The following RP1 variants were observed in gnomAD, a reference collection of about 807,000 sequenced individuals.
RP1 encodes RP1 axonemal microtubule associated.
RP1 carries 16 observed loss-of-function variants against 14.8 expected under a neutral mutation model. That is an observed-to-expected ratio of 1.08 (90% CI 0.73 to 1.65). The LOEUF is 1.65. RP1 is among the 40% of genes most tolerant of loss of function. The pLI, the probability that RP1 is intolerant of heterozygous loss-of-function variation, is 0.00. For synonymous variants in RP1, 876 were observed against 883.6 expected (o/e 0.99, Z 0.15); for missense variants, 2,631 against 2,535.0 (o/e 1.04, Z -0.81).
intron 25 of RP1, among the ~76,000 whole-genome samples, chr8:54,844,204 G>A (rs994954064): frequency 2.6e-5 from 4 of 152,258 alleles, no homozygotes; most frequent in African/African-American, 7.2e-5. Flanking sequence ...TTGGAAGCCC[G>A]GGTGGCCCAA....
intron 14 of RP1, among the ~76,000 whole-genome samples, chr8:54,702,064 A>T (rs1048631097): frequency 3.3e-5 from 5 of 152,048 alleles, no homozygotes; most frequent in South Asian, 4.1e-4. Context: ...GTGTTTGTGA[A>T]TCTATCTTAA....
chr8:54,620,984 T>C lies in RP1; in HGVS notation c.18T>C (p.Ser6=), dbSNP rs775061264. The change falls in exon 2 of 4, where the codon TCT becomes TCC. Residue 6 remains serine, a synonymous_variant. Coordinates refer to ENST00000220676, the MANE Select transcript of RP1 (RefSeq NM_006269.2). ...CAGCCAAAATGAGTGATACCCCTTC[T>C]ACTGGTTTTTCCATCATTCATCCTA... MSDTP[S]TGFSIIHPTS... is the part of the protein sequence containing the mutation. 1 of 1,614,208 alleles carries C rather than the reference T, an allele frequency of 6.2e-7. No individual in the cohort carries two copies.
At chr8:54,855,436 G>A (rs1178544525) in intron 26 of RP1, among the ~76,000 whole-genome samples, 1 of 152,184 alleles carries the variant, frequency 6.6e-6, no homozygotes. Flanking sequence ...AACATGACTA[G>A]ACAGTTATAA....
In RP1 at chr8:54,621,453, G is replaced by A. The variant is rs370436803; in HGVS notation, c.487G>A (p.Asp163Asn). The change falls in exon 2 of 4, where the codon GAC becomes AAC. Residue 163 changes from aspartate to asparagine, a missense_variant. Transcript: ENST00000220676. ...GAGCCTAGTGGTCTTCAGGAATGGC[G>A]ACCCGAAGACGAGGCGTGCGGTTCT... is the stretch of plus-strand genomic sequence containing the variant. Reference protein sequence around the residue: ...PRSLVVFRNGDPKTRRAVLLS... With the variant: ...PRSLVVFRNGNPKTRRAVLLS... 3.6e-4 allele frequency: 582 copies of A among 1,613,932 alleles called. 9 individuals are homozygous for A. The South Asian group carries it at 5.3e-3, about 15-fold the overall frequency.
intron 22 of RP1, among the ~76,000 whole-genome samples, chr8:54,762,614 A>T (rs1809667121): frequency 6.6e-6 from 1 of 152,248 alleles, no homozygotes; most frequent in Admixed American, 6.5e-5. Context: ...TGACTTTATG[A>T]ATTAATGCAA....
At position 54,630,160 on chromosome 8, in the gene RP1, G is replaced by T. The variant is rs768701573; in HGVS notation, c.6278G>T (p.Cys2093Phe). The change falls in exon 4 of 4, where the codon TGT becomes TTT. Residue 2093 changes from cysteine (C) to phenylalanine (F), a missense_variant. Coordinates refer to ENST00000220676, the MANE Select transcript of RP1 (RefSeq NM_006269.2). ...CAAGTAGTAAGAGAAAATATCAACT[G>T]TCATTACTTCTTTGAAATGCTTGGT... Reference protein sequence around the residue: ...LNQVVRENINCHYFFEMLGQA... With the variant: ...LNQVVRENINFHYFFEMLGQA... The T allele has an allele frequency of 6.2e-7, 1 of 1,613,728 alleles. No homozygotes were observed. The highest frequency in any genetic ancestry group is 1.1e-5 in the South Asian group (1 of 91,070).
At chr8:54,664,777 A>G (rs549522695) in intron 7 of RP1, among the ~76,000 whole-genome samples, 1 of 152,290 alleles carries the variant, frequency 6.6e-6, no homozygotes, top group Admixed American at 6.5e-5. Context: ...CTCACTTATA[A>G]GTGGAGCTCA....
intron 22 of RP1, among the ~76,000 whole-genome samples, chr8:54,763,562 C>A (rs957484222): frequency 6.6e-5 from 10 of 152,128 alleles, no homozygotes; most frequent in Non-Finnish European, 1.3e-4. Context: ...TGCCTGTAAT[C>A]CCAGCTACTC....
At chr8:54,793,439 G>A (rs575654676) in intron 24 of RP1, among the ~76,000 whole-genome samples, 2 of 151,980 alleles carry the variant, frequency 1.3e-5, no homozygotes, top group South Asian at 2.1e-4. Context: ...ACAAAATACT[G>A]GCAAACACAA....
intron 3 of RP1, among the ~76,000 whole-genome samples, chr8:54,638,589 A>T (rs1221928481): frequency 6.6e-6 from 1 of 152,024 alleles, no homozygotes; most frequent in Non-Finnish European, 1.5e-5. Context: ...AGCCATTCTC[A>T]TTTCTGCTCC....
chr8:54,571,165 C>T (rs1804512689), intron 1 of RP1, among the ~76,000 whole-genome samples: 1 of 152,214 alleles, frequency 6.6e-6, no homozygotes, highest in South Asian at 2.1e-4. Flanking sequence ...GTGCCCTCCC[C>T]CTCCTTACTC....
chr8:54,826,290 G>T (rs1016143763), intron 24 of RP1, among the ~76,000 whole-genome samples: 1 of 152,186 alleles, frequency 6.6e-6, no homozygotes, highest in Non-Finnish European at 1.5e-5. Flanking sequence ...AGTCCTTGAT[G>T]CAGTACTTGG....
rs143065909 is a variant in RP1 at position 54,780,150 on chromosome 8, C to T, written c.3452-3397C>T. 3.2e-3 allele frequency among the ~76,000 whole-genome samples: 489 copies of T among 152,342 alleles called. 6 individuals are homozygous for T. The highest frequency in any genetic ancestry group is 0.021 in the Admixed American group (316 of 15,308). ...TGGTCTCTGTTGCAACTACTCAACTCTGTTGTTGTAGTGTGAAAACACCCA... is the reference window on the plus strand; with the variant it reads ...TGGTCTCTGTTGCAACTACTCAACTTTGTTGTTGTAGTGTGAAAACACCCA... On this transcript the variant is annotated intron_variant, in intron 23 of 28. Coordinates refer to the RP1 transcript ENST00000637698.
At chr8:54,814,663 G>A (rs992641541) in intron 24 of RP1, among the ~76,000 whole-genome samples, 4 of 152,190 alleles carry the variant, frequency 2.6e-5, no homozygotes, top group African/African-American at 4.8e-5. Context: ...GTTACTTAAT[G>A]TTCTTTCATA....
rs533978611 is a variant in RP1 at position 54,692,329 on chromosome 8, C to T, written c.1718-7138C>T. 2.0e-4 allele frequency among the ~76,000 whole-genome samples: 28 copies of T among 139,956 alleles called. 1 individual carries two copies. Among genetic ancestry groups the T allele is most frequent in the African/African-American group, 6.4e-4 (23 of 35,908 alleles). 91.8% of individuals were successfully genotyped at this position (139,956 alleles called of 152,430 possible). ...TGATTTATAGTCCTTTGGGTATATA[C>T]CCAGTAATAGGATGGCTGGGTCAAA... On this transcript the variant is annotated intron_variant, in intron 12 of 22. Transcript: ENST00000636932.
intron 8 of RP1, among the ~76,000 whole-genome samples, chr8:54,674,495 A>G (rs896087168): frequency 7.4e-5 from 11 of 148,760 alleles, no homozygotes; most frequent in African/African-American, 2.2e-4. Flanking sequence ...AAGACAGACT[A>G]CTAGAGGACA....
chr8:54,735,164 A>T (rs1042113732), intron 18 of RP1, among the ~76,000 whole-genome samples: 1 of 152,078 alleles, frequency 6.6e-6, no homozygotes, highest in African/African-American at 2.4e-5. Context: ...TTATAAAATT[A>T]TTTTTCATCT....
chr8:54,638,033 A>C (rs1218840849), intron 3 of RP1, among the ~76,000 whole-genome samples: 1 of 152,182 alleles, frequency 6.6e-6, no homozygotes, highest in East Asian at 1.9e-4. Context: ...TGTCATCCTG[A>C]GCTATCCCTC....
intron 13 of RP1, among the ~76,000 whole-genome samples, chr8:54,700,021 T>C (rs1807975412): frequency 6.6e-6 from 1 of 152,196 alleles, no homozygotes; most frequent in Admixed American, 6.6e-5. Flanking sequence ...TGTATTACAA[T>C]ATTTCATTCT....
Sources: gnomAD v4.1 joint callset for allele counts (sites outside exome capture counted in the v4.1 genomes callset) on GRCh38, gnomAD v4.1.1 for gene constraint, MANE v1.5 for transcripts, NCBI Gene and HGNC (gene_info 2026-07-23, HGNC 2026-07-21) for gene names.